CDH13: variants seen among roughly 807,000 people sequenced by gnomAD.
CDH13 encodes the protein cadherin-13.
Under a neutral mutation model 63.8 loss-of-function variants are expected in CDH13, and 24 were observed. That is an observed-to-expected ratio of 0.38 (90% confidence interval 0.27 to 0.53). The LOEUF is 0.53. Among genes scored for constraint, CDH13 ranks in the 20% least tolerant of loss-of-function variants. The pLI is 0.85. For synonymous variants in CDH13, 503 were observed against 355.3 expected, an observed-to-expected ratio of 1.42 and a Z score of -4.67; for missense variants, 1,049 against 903.1, an observed-to-expected ratio of 1.16 and a Z score of -2.07.
chr16:83,704,864 G>T (rs1414207734), intron 10 of CDH13, among the ~76,000 whole-genome samples: 1 of 152,204 alleles, frequency 6.6e-6, no homozygotes, highest in Non-Finnish European at 1.5e-5. Flanking sequence ...CACACTGTTT[G>T]TTATGCAGCA....
chr16:82,650,866 G>A (rs1234717078), intron 1 of CDH13, among the ~76,000 whole-genome samples: 1 of 152,198 alleles, frequency 6.6e-6, no homozygotes, highest in Non-Finnish European at 1.5e-5. Context: ...AAGCCCAGTG[G>A]GGCAGGGCAG....
rs183785581 is a variant in CDH13 at position 82,806,039 on chromosome 16, C to G, written c.46-52323C>G. 3.7e-4 allele frequency among the ~76,000 whole-genome samples: 57 copies of G among 152,312 alleles called. No individual in the cohort carries two copies. In the East Asian group the frequency reaches 9.8e-3, roughly 26 times the overall value. ...CAAGGCACATGGCAGGTGGGAGGCA[C>G]TCTGGCATCCACTGAGATGTTAGTG... is the stretch of plus-strand genomic sequence containing the variant. On this transcript the variant is annotated intron_variant, in intron 1 of 13. Transcript: ENST00000567109.
chr16:83,014,618 C>G (rs903617300), intron 2 of CDH13, among the ~76,000 whole-genome samples: 6 of 149,828 alleles, frequency 4.0e-5, no homozygotes, highest in East Asian at 3.9e-4. Context: ...GTAATTCTAG[C>G]TACTTGGGAG....
At chr16:83,067,946 G>T (rs528150625) in intron 3 of CDH13, among the ~76,000 whole-genome samples, 1 of 152,156 alleles carries the variant, frequency 6.6e-6, no homozygotes, top group Admixed American at 6.6e-5. Context: ...TCCCTGGCCT[G>T]GGCTTAAGAA....
In CDH13 at chr16:83,329,439, G is replaced by T. The variant is rs191736058; in HGVS notation, c.637-15423G>T. ...TTTAGTAGAGATGGGGTTTCGCCAT[G>T]TTGGCGAGGCTGGTCTCGAACTCCT... On this transcript the variant is annotated intron_variant, in intron 5 of 13. Coordinates refer to ENST00000567109, the MANE Select transcript of CDH13 (RefSeq NM_001257.5). Among the ~76,000 whole-genome samples, 388 of 150,460 alleles carry T rather than the reference G, an allele frequency of 2.6e-3. 14 individuals are homozygous for T. The East Asian group carries it at 0.067, about 26-fold the overall frequency.
At chr16:83,578,465 C>G (rs531969398) in intron 7 of CDH13, among the ~76,000 whole-genome samples, 33 of 152,216 alleles carry the variant, frequency 2.2e-4, no homozygotes, top group African/African-American at 7.5e-4. Context: ...ATAAGAGAGA[C>G]GCACAAATGT....
rs1465833961 is a variant in CDH13, at chr16:83,271,426, A to T, written c.636+53929A>T. 5.3e-3 allele frequency among the ~76,000 whole-genome samples: 631 copies of T among 118,114 alleles called. 44 individuals are homozygous for T. Among genetic ancestry groups the T allele is most frequent in the African/African-American group, 0.019 (532 of 28,708 alleles). The allele number at this position is 118,114 out of a possible 152,430, so 77.5% of individuals were successfully genotyped here. ...CGCACATTGAGGCAGAGTTCATAAA[A>T]AAAAAAAAAAAAAAAAAAAAAAAAA... On this transcript the variant is annotated intron_variant, in intron 5 of 13. Coordinates refer to ENST00000567109, the MANE Select transcript of CDH13 (RefSeq NM_001257.5).
intron 6 of CDH13, among the ~76,000 whole-genome samples, chr16:83,374,946 A>G (rs951317761): frequency 5.9e-5 from 9 of 152,222 alleles, no homozygotes; most frequent in Non-Finnish European, 1.0e-4. Context: ...AAAGGGTTTG[A>G]GTCAACTTTT....
At chr16:83,472,281 T>G (rs960658467) in intron 6 of CDH13, among the ~76,000 whole-genome samples, 3 of 152,152 alleles carry the variant, frequency 2.0e-5, no homozygotes, top group African/African-American at 7.2e-5. Flanking sequence ...ACCCTCTGAG[T>G]ATTGTGAGTC....
chr16:82,667,819 T>C (rs1244270445), intron 1 of CDH13, among the ~76,000 whole-genome samples: 1 of 152,210 alleles, frequency 6.6e-6, no homozygotes, highest in African/African-American at 2.4e-5. Context: ...TGTCTTGCTA[T>C]GTCAGGCATT....
At chr16:83,211,711 C>G (rs1176165007) in intron 4 of CDH13, among the ~76,000 whole-genome samples, 1 of 152,086 alleles carries the variant, frequency 6.6e-6, no homozygotes, top group Non-Finnish European at 1.5e-5. Context: ...CTCCCTGCCC[C>G]TGCCCGGATG....
chr16:82,866,130 C>T (rs1234730621), intron 2 of CDH13, among the ~76,000 whole-genome samples: 1 of 152,126 alleles, frequency 6.6e-6, no homozygotes, highest in African/African-American at 2.4e-5. Flanking sequence ...TCTGAGACCA[C>T]ATCAGCCTGG....
intron 8 of CDH13, among the ~76,000 whole-genome samples, chr16:83,628,064 T>C (rs1910476219): frequency 6.6e-6 from 1 of 151,992 alleles, no homozygotes; most frequent in Non-Finnish European, 1.5e-5. Context: ...GCCATCTTGG[T>C]TTTGGTGTTT....
chr16:82,838,220 A>G (rs550364766), intron 1 of CDH13, among the ~76,000 whole-genome samples: 14 of 152,332 alleles, frequency 9.2e-5, no homozygotes, highest in East Asian at 3.9e-4. Flanking sequence ...CTCTAATGGA[A>G]GTATCATTCT....
At chr16:83,523,763 G>A (rs913854770) in intron 7 of CDH13, among the ~76,000 whole-genome samples, 4 of 152,204 alleles carry the variant, frequency 2.6e-5, no homozygotes, top group African/African-American at 9.7e-5. Flanking sequence ...TGGCATGGTT[G>A]CAAGGACAAC....
At chr16:82,899,508 C>T (rs548448834) in intron 2 of CDH13, among the ~76,000 whole-genome samples, 2 of 152,052 alleles carry the variant, frequency 1.3e-5, no homozygotes, top group African/African-American at 2.4e-5. Context: ...TAACGAATAT[C>T]CTGTCTATTT....
intron 7 of CDH13, among the ~76,000 whole-genome samples, chr16:83,487,005 G>A (rs2073904213): frequency 6.6e-6 from 1 of 152,130 alleles, no homozygotes. Flanking sequence ...AGGAGGGGAA[G>A]GGAGGAGAGG....
intron 7 of CDH13, among the ~76,000 whole-genome samples, chr16:83,549,293 C>G (rs546096504): frequency 1.3e-5 from 2 of 152,314 alleles, no homozygotes; most frequent in East Asian, 3.9e-4. Context: ...CTGTGCTTCA[C>G]CCCACCTCTC....
At chr16:83,739,683 T>C (rs555330766) in intron 10 of CDH13, among the ~76,000 whole-genome samples, 16 of 152,266 alleles carry the variant, frequency 1.1e-4, no homozygotes, top group African/African-American at 3.6e-4. Flanking sequence ...GACAGGTGGC[T>C]CTTTTGAGAG....
Sources: gnomAD v4.1 joint callset for allele counts (sites outside exome capture counted in the v4.1 genomes callset) on GRCh38, gnomAD v4.1.1 for gene constraint, MANE v1.5 for transcripts, NCBI Gene and HGNC (gene_info 2026-07-23, HGNC 2026-07-21) for gene names.